The following SEMA3A variants were observed in gnomAD, a reference collection of about 807,000 sequenced individuals.
SEMA3A encodes semaphorin-3A.
SEMA3A carries 29 observed loss-of-function variants against 97.9 expected under a neutral mutation model. The ratio of observed to expected loss-of-function variants is 0.30; its 90% CI spans 0.22 to 0.40. The LOEUF (loss-of-function observed/expected upper bound fraction) is 0.40, where lower values mean the gene tolerates loss of function less well. Ranked by LOEUF, SEMA3A falls within the 10% of genes least tolerant of loss-of-function variation. SEMA3A has a pLI of 1.00. For missense variants in SEMA3A, 763 were observed against 951.3 expected (o/e 0.80, Z 2.60); for synonymous variants, 321 against 323.7 (o/e 0.99, Z 0.09).
chr7:84,206,409 G>A (rs1029853533), intron 3 of SEMA3A, among the ~76,000 whole-genome samples: 10 of 145,516 alleles, frequency 6.9e-5, no homozygotes, highest in Admixed American at 6.4e-4. Flanking sequence ...TGCAAGCTCC[G>A]CCTGCAGGGT....
chr7:84,255,062 A>T (rs1799688397), intron 3 of SEMA3A, among the ~76,000 whole-genome samples: 1 of 152,134 alleles, frequency 6.6e-6, no homozygotes, highest in South Asian at 2.1e-4. Flanking sequence ...AAAGCTTTGG[A>T]AGTAGAAAGT....
chr7:84,308,012 T>C (rs1309079707), intron 2 of SEMA3A, among the ~76,000 whole-genome samples: 1 of 151,994 alleles, frequency 6.6e-6, no homozygotes. Flanking sequence ...AAAGTAAAAT[T>C]TGGTGAAAAC....
At chr7:84,093,352 C>T (rs1462497881) in intron 4 of SEMA3A, among the ~76,000 whole-genome samples, 1 of 152,154 alleles carries the variant, frequency 6.6e-6, no homozygotes, top group Non-Finnish European at 1.5e-5. Flanking sequence ...ACTCATCTGA[C>T]TTTTTGCTGT....
chr7:84,006,104 A>G (rs1025827934), intron 10 of SEMA3A, among the ~76,000 whole-genome samples: 1 of 152,138 alleles, frequency 6.6e-6, no homozygotes, highest in Non-Finnish European at 1.5e-5. Flanking sequence ...TGGTGCCTCT[A>G]TTAGCACCAC....
chr7:84,236,633 G>C (rs1428219967), intron 3 of SEMA3A, among the ~76,000 whole-genome samples: 4 of 152,044 alleles, frequency 2.6e-5, no homozygotes, highest in Non-Finnish European at 5.9e-5. Context: ...TCTCCTAAGA[G>C]CAAGACTTTT....
At chr7:84,241,076 G>A (rs1002020770) in intron 3 of SEMA3A, among the ~76,000 whole-genome samples, 7 of 152,150 alleles carry the variant, frequency 4.6e-5, no homozygotes, top group Non-Finnish European at 8.8e-5. Flanking sequence ...ACATGTGCTG[G>A]TGCCTTTATA....
chr7:84,025,249 A>G (rs1054539349), intron 6 of SEMA3A, among the ~76,000 whole-genome samples: 1 of 152,238 alleles, frequency 6.6e-6, no homozygotes, highest in Non-Finnish European at 1.5e-5. Context: ...CTATATTAAT[A>G]TTTCCAATAT....
chr7:84,118,417 G>T (rs1221482421), intron 3 of SEMA3A, among the ~76,000 whole-genome samples: 3 of 152,120 alleles, frequency 2.0e-5, no homozygotes, highest in Admixed American at 2.0e-4. Flanking sequence ...CTATAGGTTG[G>T]TTTAGGCTGG....
intron 11 of SEMA3A, among the ~76,000 whole-genome samples, chr7:84,003,675 T>A (rs1790548831): frequency 6.6e-6 from 1 of 152,126 alleles, no homozygotes; most frequent in African/African-American, 2.4e-5. Flanking sequence ...GACTTCTCAA[T>A]ACATTTAAGC....
intron 2 of SEMA3A, among the ~76,000 whole-genome samples, chr7:84,325,943 GC>G (rs1283422179): frequency 5.9e-5 from 9 of 151,874 alleles, no homozygotes; most frequent in Non-Finnish European, 1.2e-4. Flanking sequence ...CCACTGTTCT[GC>G]TCTCAGCTTC....
In SEMA3A at chr7:84,150,568, C is replaced by T. The variant is rs200582776; in HGVS notation, c.113-15617G>A. ...AACGGCGCATCACGAGATTATATCC[C>T]GCACCTGGCTCAGAGGGTCCTACCC... On this transcript the variant is annotated intron_variant, in intron 1 of 16. Coordinates refer to ENST00000265362, the MANE Select transcript of SEMA3A (RefSeq NM_006080.3). Among the ~76,000 whole-genome samples, 29 of 152,270 alleles carry T rather than the reference C, an allele frequency of 1.9e-4. No individual in the cohort carries two copies. In the East Asian group the frequency reaches 5.4e-3, roughly 28 times the overall value.
chr7:84,134,242 T>TAA (rs906779963), intron 2 of SEMA3A, among the ~76,000 whole-genome samples: 1 of 152,194 alleles, frequency 6.6e-6, no homozygotes, highest in Non-Finnish European at 1.5e-5. Flanking sequence ...GGCCAGATAG[T>TAA]AAATCATTTT....
intron 3 of SEMA3A, among the ~76,000 whole-genome samples, chr7:84,227,002 T>C (rs1799002659): frequency 6.6e-6 from 1 of 152,018 alleles, no homozygotes; most frequent in African/African-American, 2.4e-5. Context: ...ACAATAGAAA[T>C]GAGAGCAGCT....
intron 1 of SEMA3A, among the ~76,000 whole-genome samples, chr7:84,485,148 T>C (rs1029833385): frequency 6.6e-5 from 10 of 152,188 alleles, no homozygotes; most frequent in Admixed American, 2.0e-4. Flanking sequence ...ATGTTCCTTT[T>C]CCATATTTAC....
intron 1 of SEMA3A, among the ~76,000 whole-genome samples, chr7:84,489,795 A>G (rs1325330738): frequency 1.3e-5 from 2 of 152,090 alleles, no homozygotes; most frequent in Non-Finnish European, 1.5e-5. Context: ...TTCCTTCACT[A>G]TAAGTGAACA....
At chr7:84,442,431 T>C (rs1562949560) in intron 1 of SEMA3A, among the ~76,000 whole-genome samples, 1 of 152,106 alleles carries the variant, frequency 6.6e-6, no homozygotes, top group East Asian at 1.9e-4. Flanking sequence ...AGATTAAAGA[T>C]GATTCCCATT....
At chr7:84,491,250 G>C (rs117705847) in intron 1 of SEMA3A, among the ~76,000 whole-genome samples, 1 of 152,042 alleles carries the variant, frequency 6.6e-6, no homozygotes, top group Non-Finnish European at 1.5e-5. Context: ...ATACTGTTTT[G>C]TCTAATTTTG....
At chr7:84,046,064 T>G (rs1240252299) in intron 6 of SEMA3A, among the ~76,000 whole-genome samples, 1 of 151,972 alleles carries the variant, frequency 6.6e-6, no homozygotes, top group Admixed American at 6.6e-5. Context: ...CTCCCTTCCG[T>G]AGCTCCGGTC....
At chr7:84,098,603 T>A (rs1297327177) in intron 4 of SEMA3A, among the ~76,000 whole-genome samples, 4 of 152,120 alleles carry the variant, frequency 2.6e-5, no homozygotes, top group African/African-American at 7.2e-5. Context: ...TTTACCAAGG[T>A]GACATACACT....
Sources: gnomAD v4.1 joint callset for allele counts (sites outside exome capture counted in the v4.1 genomes callset) on GRCh38, gnomAD v4.1.1 for gene constraint, MANE v1.5 for transcripts, NCBI Gene and HGNC (gene_info 2026-07-23, HGNC 2026-07-21) for gene names.